NOTCH2: variants seen among roughly 807,000 people sequenced by gnomAD.
NOTCH2 encodes the protein neurogenic locus notch homolog protein 2.
In NOTCH2, 29 loss-of-function variants were observed where a neutral mutation model predicts 235.8. The observed-to-expected ratio is 0.12, with a 90% CI of 0.09 to 0.17. The LOEUF is 0.17. NOTCH2 is among the 10% of genes least tolerant of loss of function. NOTCH2 has a pLI of 1.00. For missense variants in NOTCH2, 2,285 were observed against 3,150.2 expected (o/e 0.73, Z 6.57); for synonymous variants, 1,086 against 1,141.5 (o/e 0.95, Z 0.98).
intron 1 of NOTCH2, among the ~76,000 whole-genome samples, chr1:120,057,269 TAAC>T (rs1246052728): frequency 1.3e-4 from 17 of 131,578 alleles, no homozygotes; most frequent in Admixed American, 1.2e-3. Flanking sequence ...ATTATCTTCA[TAAC>T]AACTCCAAAA....
chr1:119,947,781 T>C (rs1309070983), intron 17 of NOTCH2, among the ~76,000 whole-genome samples: 1 of 152,212 alleles, frequency 6.6e-6, no homozygotes, highest in African/African-American at 2.4e-5. Flanking sequence ...AATATGTCCA[T>C]ACAATGGAAT....
At chr1:119,987,607 T>A (rs1279738132) in intron 4 of NOTCH2, among the ~76,000 whole-genome samples, 1 of 152,134 alleles carries the variant, frequency 6.6e-6, no homozygotes, top group East Asian at 1.9e-4. Flanking sequence ...CAAGTCCCAA[T>A]CTCACCACCT....
Position 119,915,281 on chromosome 1 carries a change from G to C in NOTCH2, c.*25C>G. 1 of 1,610,240 alleles carries C rather than the reference G, an allele frequency of 6.2e-7. No individual in the cohort carries two copies. The highest frequency in any genetic ancestry group is 8.5e-7 in the Non-Finnish European group (1 of 1,178,676). ...AGCAGCATTTACAAAAGTCAGTTAT[G>C]TCTCTACACTGGAGGTGGACTCTCT... On this transcript the variant is annotated 3_prime_UTR_variant, in exon 34 of 34. Transcript: ENST00000256646.
Position 119,923,717 on chromosome 1 carries a change from A to G in NOTCH2, c.4779T>C (p.Tyr1593=), listed in dbSNP as rs1233136745. The G allele has an allele frequency of 2.5e-6, 4 of 1,614,190 alleles. No individual in the cohort carries two copies. The South Asian group carries it at 4.4e-5, about 18-fold the overall frequency. ...TCTTCATAGCAGCTGACTTCTCACCATAATAGGGGTACACCATGAGTTCCC... is the reference window on the plus strand; with the variant it reads ...TCTTCATAGCAGCTGACTTCTCACCGTAATAGGGGTACACCATGAGTTCCC... ...SQGELMVYPY[Y]GEKSAAMKKQ... is the part of the protein sequence containing the mutation. The change falls in exon 26 of 34, where the codon TAT becomes TAC. Residue 1593 remains tyrosine (Y), a synonymous_variant. Coordinates refer to ENST00000256646, the MANE Select transcript of NOTCH2 (RefSeq NM_024408.4).
intron 28 of NOTCH2, 150 bp downstream of exon 28, chr1:119,922,086 G>T: frequency 1.1e-6 from 1 of 893,004 alleles, no homozygotes; most frequent in Non-Finnish European, 1.8e-6. Context: ...CTCTGACTGT[G>T]GTTTCAGTCA....
chr1:119,916,845 T>TAC, intron 33 of NOTCH2, 151 bp from the exon 34 acceptor site: 1 of 801,590 alleles, frequency 1.2e-6, no homozygotes, highest in Non-Finnish European at 2.1e-6. Flanking sequence ...GCTGTGCCTC[T>TAC]ACCAATGTAC....
Position 119,919,626 on chromosome 1 carries a change from A to C in NOTCH2, c.5480-13T>G. ...GGGGTGCAGCCATCTGTAGGAATGGAAAATTCCATAAAGTACTCAAGAAGG... is the reference window on the plus strand; with the variant it reads ...GGGGTGCAGCCATCTGTAGGAATGGCAAATTCCATAAAGTACTCAAGAAGG... On this transcript the variant is annotated splice_polypyrimidine_tract_variant and intron_variant, in intron 30 of 33. Coordinates refer to ENST00000256646, the MANE Select transcript of NOTCH2 (RefSeq NM_024408.4). 2 of 1,612,704 alleles carry C rather than the reference A, an allele frequency of 1.2e-6. No individual in the cohort carries two copies. The highest frequency in any genetic ancestry group is 2.2e-5 in the South Asian group (2 of 90,770).
At chr1:120,034,673 C>T (rs1285763597) in intron 1 of NOTCH2, among the ~76,000 whole-genome samples, 1 of 144,314 alleles carries the variant, frequency 6.9e-6, no homozygotes, top group East Asian at 2.0e-4. Context: ...GAAACAAAAC[C>T]CAGTAATGTA....
chr1:120,065,331 T>A (rs1205703520), intron 1 of NOTCH2, among the ~76,000 whole-genome samples: 1 of 152,216 alleles, frequency 6.6e-6, no homozygotes, highest in Non-Finnish European at 1.5e-5. Context: ...GCCTATTAGA[T>A]ACCAAGGCAT....
chr1:119,929,300 C>T (rs1649575742), intron 22 of NOTCH2, 88 bp from the exon 23 acceptor site: 1 of 1,081,708 alleles, frequency 9.2e-7, no homozygotes, highest in Non-Finnish European at 1.4e-6. Flanking sequence ...GGCATTTTCA[C>T]AATGAATCAG....
intron 12 of NOTCH2, among the ~76,000 whole-genome samples, chr1:119,957,543 T>A (rs1277066630): frequency 1.3e-5 from 2 of 152,056 alleles, no homozygotes; most frequent in Non-Finnish European, 2.9e-5. Flanking sequence ...CTCCTCACAT[T>A]TACCACTCAT....
intron 12 of NOTCH2, among the ~76,000 whole-genome samples, 163 bp from the exon 13 acceptor site, chr1:119,955,395 A>C (rs1650650980): frequency 6.6e-6 from 1 of 152,262 alleles, no homozygotes; most frequent in Non-Finnish European, 1.5e-5. Context: ...ATAACACTTA[A>C]TGCCATGCAA....
intron 9 of NOTCH2, 99 bp downstream of exon 9, chr1:119,966,277 C>T: frequency 2.4e-6 from 2 of 832,724 alleles, no homozygotes; most frequent in Non-Finnish European, 2.1e-6. Flanking sequence ...TAATGATTTC[C>T]TCATGCACAG....
chr1:119,942,863 G>A (rs1014376703), intron 17 of NOTCH2, among the ~76,000 whole-genome samples: 9 of 145,140 alleles, frequency 6.2e-5, no homozygotes, highest in Non-Finnish European at 1.2e-4. Flanking sequence ...AAAATTATTT[G>A]TCCATATGTC....
intron 1 of NOTCH2, 72 bp downstream of exon 1, chr1:120,069,262 C>A (rs11801062): frequency 1.1e-5 from 17 of 1,525,214 alleles, no homozygotes; most frequent in Non-Finnish European, 1.4e-5. Flanking sequence ...AGAGAAGGAC[C>A]GAGGGGGAGA....
intron 1 of NOTCH2, 88 bp downstream of exon 1, chr1:120,069,246 C>T (rs1570805049): frequency 6.5e-7 from 1 of 1,527,554 alleles, no homozygotes; most frequent in Non-Finnish European, 8.7e-7. Flanking sequence ...CCTGGCCTTC[C>T]CACACAGAGA....
At chr1:120,065,220 T>C (rs1481351556) in intron 1 of NOTCH2, among the ~76,000 whole-genome samples, 3 of 152,214 alleles carry the variant, frequency 2.0e-5, no homozygotes, top group African/African-American at 7.2e-5. Context: ...TAAGCATGAC[T>C]CCTGCAAATA....
rs747190078 is a variant in NOTCH2, at chr1:119,925,512, C to T, written c.4304G>A (p.Arg1435Gln). 15 of 1,614,140 alleles carry T rather than the reference C, an allele frequency of 9.3e-6. No homozygotes were observed. The South Asian group carries it at 1.1e-4, about 12-fold the overall frequency. Residue 1435 changes from arginine (R) to glutamine (Q), a missense_variant, in exon 25 of 34, where the codon CGG becomes CAG. Physicochemically the swap from Arg to Gln is conservative, Grantham distance 43. Transcript: ENST00000256646. ...GCAGGCCTCATCACAGACGCCATCC[C>T]GAGCTTTGTCGGCACAATACTGGCT... ...CLSQYCADKA[R>Q]DGVCDEACNS...
chr1:119,947,640 C>T (rs1038098036), intron 17 of NOTCH2, among the ~76,000 whole-genome samples: 3 of 152,086 alleles, frequency 2.0e-5, no homozygotes, highest in Non-Finnish European at 2.9e-5. Flanking sequence ...CATGATTCAC[C>T]GATTCTACTC....
Sources: allele counts gnomAD v4.1 joint callset (sites outside exome capture counted in the v4.1 genomes callset), GRCh38; gene constraint gnomAD v4.1.1; transcripts MANE v1.5; gene names NCBI Gene and HGNC (gene_info 2026-07-23, HGNC 2026-07-21).